The following MAP4K4 variants were observed in gnomAD, a reference collection of about 807,000 sequenced individuals.
The protein encoded by MAP4K4 is mitogen-activated protein kinase kinase kinase kinase 4.
A neutral mutation model predicts 189.6 loss-of-function variants in MAP4K4; 38 were observed. The observed-to-expected ratio is 0.20, with a 90% CI of 0.15 to 0.26. The LOEUF is 0.26. Among genes scored for constraint, MAP4K4 ranks in the 10% least tolerant of loss-of-function variants. The probability of loss-of-function intolerance (pLI) is 1.00; values close to 1 mark genes in which losing one functional copy is unlikely to be tolerated. For missense variants in MAP4K4, 1,054 were observed against 1,726.9 expected, an observed-to-expected ratio of 0.61 and a Z score of 6.91; for synonymous variants, 610 against 624.3, an observed-to-expected ratio of 0.98 and a Z score of 0.34.
intron 27 of MAP4K4, 81 bp from the exon 28 acceptor site, chr2:101,882,470 A>G (rs1461921647): frequency 3.5e-6 from 4 of 1,150,392 alleles, no homozygotes; most frequent in Non-Finnish European, 2.4e-6. Flanking sequence ...TAAGTGATTG[A>G]TTTCTTTTGG....
intron 23 of MAP4K4, among the ~76,000 whole-genome samples, chr2:101,871,058 C>T (rs1285668631): frequency 2.0e-5 from 3 of 152,074 alleles, no homozygotes; most frequent in Non-Finnish European, 2.9e-5. Context: ...GAACAGGGCA[C>T]CTATTTAGTA....
chr2:101,836,537 G>C (rs565482058), intron 9 of MAP4K4, among the ~76,000 whole-genome samples: 1 of 151,874 alleles, frequency 6.6e-6, no homozygotes, highest in African/African-American at 2.4e-5. Flanking sequence ...GTGGTGAGCC[G>C]AGATCACGCC....
At chr2:101,721,850 T>C (rs547313738) in intron 2 of MAP4K4, among the ~76,000 whole-genome samples, 1 of 152,284 alleles carries the variant, frequency 6.6e-6, no homozygotes, top group South Asian at 2.1e-4. Flanking sequence ...CAGCTTTCCC[T>C]AGCAAATATA....
intron 2 of MAP4K4, among the ~76,000 whole-genome samples, chr2:101,713,654 G>T (rs887226305): frequency 3.3e-5 from 5 of 151,138 alleles, no homozygotes. Context: ...CAGCACTTTG[G>T]GAGGCTGGGG....
intron 2 of MAP4K4, among the ~76,000 whole-genome samples, chr2:101,703,995 A>G (rs2040534304): frequency 6.6e-6 from 1 of 152,216 alleles, no homozygotes; most frequent in East Asian, 1.9e-4. Flanking sequence ...AGCCTGGGTG[A>G]CAGAGCCAGA....
chr2:101,867,690 A>T, intron 20 of MAP4K4: 1 of 386,894 alleles, frequency 2.6e-6, no homozygotes, highest in Non-Finnish European at 4.6e-6. Flanking sequence ...ATTAACCTTT[A>T]CTTATTCTTC....
chr2:101,875,987 T>C (rs1427306641), intron 26 of MAP4K4, among the ~76,000 whole-genome samples: 1 of 152,186 alleles, frequency 6.6e-6, no homozygotes, highest in Non-Finnish European at 1.5e-5. Flanking sequence ...ACAACCTTAA[T>C]TAAGGTCTCT....
At chr2:101,750,122 A>G (rs1240067304) in intron 2 of MAP4K4, among the ~76,000 whole-genome samples, 2 of 149,524 alleles carry the variant, frequency 1.3e-5, no homozygotes, top group East Asian at 3.9e-4. Flanking sequence ...GGGATCTAGA[A>G]CTAGAAATAC....
intron 21 of MAP4K4, 140 bp downstream of exon 21, chr2:101,868,177 T>C: frequency 2.2e-6 from 2 of 891,472 alleles, no homozygotes; most frequent in Admixed American, 4.6e-5. Context: ...CCTCAAACTT[T>C]ACTCCAGTTT....
intron 28 of MAP4K4, 61 bp from the exon 29 acceptor site, chr2:101,885,126 T>G: frequency 1.2e-6 from 1 of 823,204 alleles, no homozygotes; most frequent in Non-Finnish European, 1.9e-6. Context: ...CTAAAACAGT[T>G]TAGAGGGCTA....
At chr2:101,794,763 G>A (rs752339599) in intron 3 of MAP4K4, among the ~76,000 whole-genome samples, 7 of 151,878 alleles carry the variant, frequency 4.6e-5, no homozygotes, top group East Asian at 1.9e-4. Flanking sequence ...ATCTTATATC[G>A]CTTATTTTTA....
chr2:101,821,392 T>A (rs2096048515), intron 3 of MAP4K4, among the ~76,000 whole-genome samples: 1 of 152,196 alleles, frequency 6.6e-6, no homozygotes, highest in Non-Finnish European at 1.5e-5. Flanking sequence ...TAAACCTAGA[T>A]GGTACACATG....
chr2:101,794,032 C>T (rs1328921259), intron 3 of MAP4K4, among the ~76,000 whole-genome samples: 1 of 152,142 alleles, frequency 6.6e-6, no homozygotes, highest in East Asian at 1.9e-4. Context: ...AGTACTTCAG[C>T]TGTATTAAGA....
chr2:101,882,050 A>T (rs1043920639), intron 27 of MAP4K4, among the ~76,000 whole-genome samples: 16 of 152,230 alleles, frequency 1.1e-4, no homozygotes, highest in African/African-American at 3.6e-4. Context: ...CATATGTAAG[A>T]TATGCACATA....
At chr2:101,738,585 G>GT (rs1432531417) in intron 2 of MAP4K4, among the ~76,000 whole-genome samples, 6 of 151,798 alleles carry the variant, frequency 4.0e-5, no homozygotes, top group Non-Finnish European at 7.4e-5. Context: ...TCTGCAGAAG[G>GT]TTTTTTTTGG....
intron 12 of MAP4K4, among the ~76,000 whole-genome samples, chr2:101,851,116 A>G (rs964436632): frequency 1.3e-5 from 2 of 152,236 alleles, no homozygotes; most frequent in Non-Finnish European, 2.9e-5. Context: ...TTGCTTTTAA[A>G]TACCAAACTA....
intron 12 of MAP4K4, 102 bp from the exon 13 acceptor site, chr2:101,855,875 A>T: frequency 8.7e-7 from 1 of 1,150,910 alleles, no homozygotes; most frequent in Non-Finnish European, 1.2e-6. Flanking sequence ...CATGAACCTC[A>T]CCTCATTAGT....
At position 101,871,389 on chromosome 2, in the gene MAP4K4, T is replaced by C. The variant is rs1006843336; in HGVS notation, c.2761-105T>C. ...TTTCTTTGGTTTTTCCTTGGTAATT[T>C]AGCAGAGTTTATAAGTCACACAGCA... On this transcript the variant is annotated intron_variant, in intron 23 of 32. Transcript: ENST00000324219. 11 of 878,190 alleles carry C rather than the reference T, an allele frequency of 1.3e-5. No homozygotes were observed. In the Admixed American group the frequency reaches 2.3e-4, roughly 18 times the overall value. 54.4% of individuals were successfully genotyped at this position (878,190 alleles called of 1,614,324 possible).
chr2:101,751,896 T>A (rs958056516), intron 2 of MAP4K4, among the ~76,000 whole-genome samples: 2 of 152,214 alleles, frequency 1.3e-5, no homozygotes, highest in Non-Finnish European at 2.9e-5. Context: ...TTCAGTTTGG[T>A]CCCAAAGGAG....
Sources: gnomAD v4.1 joint callset for allele counts (sites outside exome capture counted in the v4.1 genomes callset) on GRCh38, gnomAD v4.1.1 for gene constraint, MANE v1.5 for transcripts, NCBI Gene and HGNC (gene_info 2026-07-23, HGNC 2026-07-21) for gene names.